The following IMMP2L variants were observed in gnomAD, a reference collection of about 807,000 sequenced individuals.
IMMP2L encodes inner mitochondrial membrane peptidase subunit 2.
A neutral mutation model predicts 19.3 loss-of-function variants in IMMP2L; 18 were observed. The observed-to-expected ratio is 0.93, with a 90% CI of 0.64 to 1.38. IMMP2L has a LOEUF of 1.38. IMMP2L is among the 40% of genes most tolerant of loss of function. The probability of loss-of-function intolerance (pLI) is 0.00; values close to 1 mark genes in which losing one functional copy is unlikely to be tolerated. For missense variants in IMMP2L, 233 were observed against 218.2 expected (o/e 1.07, Z -0.43); for synonymous variants, 76 against 73.0 (o/e 1.04, Z -0.21).
chr7:111,343,950 C>T (rs1827281338), intron 3 of IMMP2L, among the ~76,000 whole-genome samples: 2 of 152,038 alleles, frequency 1.3e-5, no homozygotes, highest in Non-Finnish European at 2.9e-5. Flanking sequence ...CCCTGAAACG[C>T]TATTTCCCAT....
chr7:111,098,825 G>A (rs905963718), intron 3 of IMMP2L, among the ~76,000 whole-genome samples: 2 of 151,740 alleles, frequency 1.3e-5, no homozygotes, highest in Non-Finnish European at 3.0e-5. Context: ...AAGCCTTTGT[G>A]CATGAGGCAA....
chr7:110,890,093 T>C (rs1266620447), intron 4 of IMMP2L, among the ~76,000 whole-genome samples: 2 of 152,232 alleles, frequency 1.3e-5, no homozygotes, highest in African/African-American at 4.8e-5. Context: ...TAAAATTACC[T>C]GAACTACGCT....
At chr7:110,917,088 G>A (rs1177713123) in intron 4 of IMMP2L, among the ~76,000 whole-genome samples, 1 of 152,150 alleles carries the variant, frequency 6.6e-6, no homozygotes, top group East Asian at 1.9e-4. Flanking sequence ...TAGTATCCAT[G>A]TGACAAAAAA....
chr7:111,410,137 G>C (rs1249767761), intron 3 of IMMP2L, among the ~76,000 whole-genome samples: 1 of 151,796 alleles, frequency 6.6e-6, no homozygotes, highest in East Asian at 1.9e-4. Flanking sequence ...GTGAAAAATA[G>C]CAGGAAAAGA....
intron 3 of IMMP2L, among the ~76,000 whole-genome samples, chr7:111,446,574 G>C (rs920735161): frequency 6.6e-6 from 1 of 151,596 alleles, no homozygotes; most frequent in African/African-American, 2.4e-5. Flanking sequence ...CATCATCAAA[G>C]ACCAAAAGTA....
chr7:111,174,369 G>C (rs1806799207), intron 3 of IMMP2L, among the ~76,000 whole-genome samples: 1 of 151,588 alleles, frequency 6.6e-6, no homozygotes. Flanking sequence ...CTAGTCTTCT[G>C]ACTCCTAATT....
chr7:111,161,710 T>C (rs1274704710), intron 3 of IMMP2L, among the ~76,000 whole-genome samples: 1 of 152,028 alleles, frequency 6.6e-6, no homozygotes, highest in Non-Finnish European at 1.5e-5. Context: ...GTGTATTGTA[T>C]GGAGTAACAG....
chr7:110,844,696 A>AGC (rs1805497208), intron 5 of IMMP2L, among the ~76,000 whole-genome samples: 3 of 48,192 alleles, frequency 6.2e-5, no homozygotes, highest in African/African-American at 9.1e-5. Flanking sequence ...AAGACAGTTA[A>AGC]GAAACTTCTA....
At chr7:111,211,364 G>A (rs1317479859) in intron 3 of IMMP2L, among the ~76,000 whole-genome samples, 2 of 152,072 alleles carry the variant, frequency 1.3e-5, no homozygotes, top group Non-Finnish European at 2.9e-5. Flanking sequence ...GAGAAAGAGA[G>A]ACGAAAATGA....
intron 3 of IMMP2L, among the ~76,000 whole-genome samples, chr7:111,325,886 A>AC (rs1825269531): frequency 6.6e-6 from 1 of 151,610 alleles, no homozygotes; most frequent in African/African-American, 2.4e-5. Context: ...GAGAGGTTGA[A>AC]CCCCTCATGA....
chr7:110,776,048 T>A (rs1799365914), intron 5 of IMMP2L, among the ~76,000 whole-genome samples: 1 of 151,980 alleles, frequency 6.6e-6, no homozygotes, highest in Non-Finnish European at 1.5e-5. Flanking sequence ...CTCCTGCCAA[T>A]AATAAATAAT....
At chr7:110,759,883 T>G (rs1477005342) in intron 5 of IMMP2L, among the ~76,000 whole-genome samples, 1 of 152,106 alleles carries the variant, frequency 6.6e-6, no homozygotes, top group Non-Finnish European at 1.5e-5. Context: ...AGTTGCTTAT[T>G]ATTATTAGAT....
intron 3 of IMMP2L, among the ~76,000 whole-genome samples, chr7:111,243,075 T>C (rs1362147052): frequency 6.6e-6 from 1 of 152,088 alleles, no homozygotes; most frequent in Non-Finnish European, 1.5e-5. Flanking sequence ...AAAATATTGT[T>C]ACTAAAACAA....
At chr7:111,524,914 T>C (rs1390706740) in intron 1 of IMMP2L, among the ~76,000 whole-genome samples, 1 of 152,134 alleles carries the variant, frequency 6.6e-6, no homozygotes, top group African/African-American at 2.4e-5. Context: ...ATCTACCCAG[T>C]CACTTACTAC....
chr7:111,154,916 C>A lies in IMMP2L; in HGVS notation c.240-191351G>T, dbSNP rs1030933839. ...GGGACTACAGCCCTGCCCCACTATG[C>A]TCAGGTAATTTTTTAATTTTTTGTA... On this transcript the variant is annotated intron_variant, in intron 3 of 5. Transcript: ENST00000405709. Among the ~76,000 whole-genome samples, 3 of 151,970 alleles carry A rather than the reference C, an allele frequency of 2.0e-5. No homozygotes were observed. The South Asian group carries it at 6.2e-4, about 32-fold the overall frequency.
intron 3 of IMMP2L, among the ~76,000 whole-genome samples, chr7:111,341,084 G>C (rs1477265553): frequency 1.3e-5 from 2 of 152,064 alleles, no homozygotes; most frequent in East Asian, 1.9e-4. Context: ...AAAATATTAA[G>C]TATATGTTAG....
intron 3 of IMMP2L, among the ~76,000 whole-genome samples, chr7:111,069,490 TA>T (rs1794774545): frequency 6.6e-6 from 1 of 152,184 alleles, no homozygotes; most frequent in Non-Finnish European, 1.5e-5. Context: ...CTTTGAAAAG[TA>T]AAACGTTCTG....
intron 1 of IMMP2L, among the ~76,000 whole-genome samples, chr7:111,523,248 T>G (rs965226682): frequency 6.6e-6 from 1 of 152,044 alleles, no homozygotes; most frequent in Non-Finnish European, 1.5e-5. Flanking sequence ...TATTGTATTC[T>G]TGAAAAATGT....
chr7:110,692,407 C>T lies in IMMP2L; in HGVS notation c.409-28686G>A, dbSNP rs571382947. Among the ~76,000 whole-genome samples, 29 of 97,636 alleles carry T rather than the reference C, an allele frequency of 3.0e-4. 1 individual carries two copies. Among genetic ancestry groups the T allele is most frequent in the African/African-American group, 1.1e-3 (19 of 17,814 alleles). 64.1% of individuals were successfully genotyped at this position (97,636 alleles called of 152,430 possible). A position where few individuals can be genotyped will look rare whatever the true frequency, so the allele number is the denominator to read the frequency against. On this transcript the variant is annotated intron_variant, in intron 5 of 5. Transcript: ENST00000405709. ...CATGTTAGGTACAATATATACTACG[C>T]GGGTGACAGTACACTAAAATCTCAG...
Sources: allele counts gnomAD v4.1 joint callset (sites outside exome capture counted in the v4.1 genomes callset), GRCh38; gene constraint gnomAD v4.1.1; transcripts MANE v1.5; gene names NCBI Gene and HGNC (gene_info 2026-07-23, HGNC 2026-07-21).